VWA8: variants seen among roughly 807,000 people sequenced by gnomAD.
VWA8 encodes the protein von Willebrand factor A domain containing 8, also known as von Willebrand factor A domain-containing protein 8.
A neutral mutation model predicts 241.5 loss-of-function variants in VWA8; 221 were observed. That is an observed-to-expected ratio of 0.91 (90% CI 0.82 to 1.02). VWA8 has a LOEUF of 1.02. Ranked by LOEUF, VWA8 falls within the 50% of genes least tolerant of loss-of-function variation. The pLI is 0.00. For synonymous variants in VWA8, 852 were observed against 827.1 expected (o/e 1.03, Z -0.52); for missense variants, 2,322 against 2,328.7 (o/e 1.00, Z 0.06).
At chr13:41,847,601 T>C (rs1270301928) in intron 12 of VWA8, among the ~76,000 whole-genome samples, 2 of 152,162 alleles carry the variant, frequency 1.3e-5, no homozygotes, top group African/African-American at 4.8e-5. Context: ...CTGCTGGTTA[T>C]AATTGAAAAA....
At chr13:41,945,127 T>A (rs969533430) in intron 2 of VWA8, among the ~76,000 whole-genome samples, 1 of 152,302 alleles carries the variant, frequency 6.6e-6, no homozygotes, top group East Asian at 1.9e-4. Context: ...ACTGAAGTCA[T>A]GTCCAACTTG....
intron 14 of VWA8, among the ~76,000 whole-genome samples, chr13:41,828,351 T>C (rs750908080): frequency 2.0e-5 from 3 of 152,220 alleles, no homozygotes; most frequent in Non-Finnish European, 4.4e-5. Flanking sequence ...ACAGCTTCAA[T>C]TAAACAGAGA....
At chr13:41,784,697 C>T (rs796640568) in intron 18 of VWA8, among the ~76,000 whole-genome samples, 61 of 56,984 alleles carry the variant, frequency 1.1e-3, no homozygotes, top group African/African-American at 1.6e-3. Context: ...TATACATATA[C>T]ATATATATAT....
chr13:41,737,818 T>C (rs187879567), intron 21 of VWA8, among the ~76,000 whole-genome samples: 260 of 152,132 alleles, frequency 1.7e-3, no homozygotes, highest in African/African-American at 5.9e-3. Flanking sequence ...ACATTTTTTT[T>C]CCCCACACAA....
chr13:41,743,309 G>A (rs976507375), intron 21 of VWA8, among the ~76,000 whole-genome samples: 1 of 152,196 alleles, frequency 6.6e-6, no homozygotes, highest in Non-Finnish European at 1.5e-5. Context: ...AAGAAAAGAT[G>A]AGCAATGGAC....
At chr13:41,705,384 G>A (rs2045276663) in intron 26 of VWA8, among the ~76,000 whole-genome samples, 1 of 152,174 alleles carries the variant, frequency 6.6e-6, no homozygotes, top group African/African-American at 2.4e-5. Context: ...ACATTTCTGT[G>A]TTAATAGGCC....
At chr13:41,825,857 C>A (rs551606372) in intron 14 of VWA8, among the ~76,000 whole-genome samples, 1 of 152,204 alleles carries the variant, frequency 6.6e-6, no homozygotes, top group South Asian at 2.1e-4. Flanking sequence ...TTAGCTATGA[C>A]CAGCATATAG....
At chr13:41,704,982 G>C (rs1297157436) in intron 26 of VWA8, among the ~76,000 whole-genome samples, 4 of 152,148 alleles carry the variant, frequency 2.6e-5, no homozygotes, top group African/African-American at 7.2e-5. Context: ...AAAGTAGTCT[G>C]ACATAATATT....
At chr13:41,797,049 G>A (rs1208902452) in intron 17 of VWA8, among the ~76,000 whole-genome samples, 2 of 150,666 alleles carry the variant, frequency 1.3e-5, no homozygotes, top group African/African-American at 2.4e-5. Context: ...TTTCTTTTTT[G>A]AGACAGAGTC....
intron 21 of VWA8, among the ~76,000 whole-genome samples, chr13:41,734,325 G>A (rs74545214): frequency 0.013 from 2,040 of 152,186 alleles, 12 homozygotes; most frequent in South Asian, 0.018. Flanking sequence ...GTGACAGAGC[G>A]AGACTCCGTC....
At chr13:41,839,072 ACT>A (rs758332992) in intron 12 of VWA8, among the ~76,000 whole-genome samples, 4 of 152,130 alleles carry the variant, frequency 2.6e-5, no homozygotes, top group Non-Finnish European at 5.9e-5. Flanking sequence ...GAATTGCCAC[ACT>A]GTCTTCCACA....
At chr13:41,670,894 A>T in intron 37 of VWA8, 52 bp downstream of exon 37, 1 of 1,595,976 alleles carries the variant, frequency 6.3e-7, no homozygotes, top group Non-Finnish European at 8.6e-7. Context: ...TCTGGAACTA[A>T]ATTTATACTT....
chr13:41,937,542 G>A (rs1189409045), intron 2 of VWA8, among the ~76,000 whole-genome samples: 1 of 152,204 alleles, frequency 6.6e-6, no homozygotes, highest in Non-Finnish European at 1.5e-5. Context: ...ATGCCAGCAA[G>A]GTGGGGCAGC....
At chr13:41,830,242 CAA>C (rs1305339760) in intron 14 of VWA8, among the ~76,000 whole-genome samples, 6 of 52,522 alleles carry the variant, frequency 1.1e-4, no homozygotes, top group Admixed American at 2.1e-4. Flanking sequence ...GACTCTGTCT[CAA>C]AAAAAAAAAA....
chr13:41,664,916 G>A (rs1405523054), intron 37 of VWA8, among the ~76,000 whole-genome samples: 1 of 152,094 alleles, frequency 6.6e-6, no homozygotes, highest in Non-Finnish European at 1.5e-5. Flanking sequence ...GTTCTAATTT[G>A]TCTTTTAAAT....
chr13:41,615,622 A>G (rs2044616127), intron 37 of VWA8, among the ~76,000 whole-genome samples: 1 of 152,182 alleles, frequency 6.6e-6, no homozygotes, highest in African/African-American at 2.4e-5. Flanking sequence ...TATACTAAAA[A>G]CTGCTTATTT....
Position 41,611,716 on chromosome 13 carries a change from T to G in VWA8, c.4737A>C (p.Ala1579=), listed in dbSNP as rs1241664383. ...WAGGTGGRDT[A]GLGGKGGPYR... The stretch of plus-strand genomic sequence containing the variant: ...AAGGGCCTCCTTTGCCACCCAGGCC[T>G]GCCGTGTCTCTTCCCCCTGGAAGGA... The change falls in exon 39 of 45, where the codon GCA becomes GCC. Residue 1579 remains alanine, a synonymous_variant. Coordinates refer to ENST00000379310, the MANE Select transcript of VWA8 (RefSeq NM_015058.2). 1.2e-6 allele frequency: 2 copies of G among 1,614,004 alleles called. No individual in the cohort carries two copies. Among genetic ancestry groups the G allele is most frequent in the South Asian group, 2.2e-5 (2 of 91,056 alleles).
chr13:41,625,130 T>C (rs999477906), intron 37 of VWA8, among the ~76,000 whole-genome samples: 35 of 152,262 alleles, frequency 2.3e-4, no homozygotes, highest in Admixed American at 9.8e-4. Context: ...GAAAGATCTC[T>C]ACAATGAGAA....
chr13:41,949,925 A>G lies in VWA8; in HGVS notation c.241+11T>C. The G allele has an allele frequency of 6.7e-7, 1 of 1,501,952 alleles. No homozygotes were observed. Among genetic ancestry groups the G allele is most frequent in the Middle Eastern group, 2.3e-4 (1 of 4,328 alleles). 93.0% of individuals were successfully genotyped at this position (1,501,952 alleles called of 1,614,324 possible). ...AAGTTATTCATTCATATATTAATAA[A>G]TATTTCTTACTGTAGTTCTGTGGCA... On this transcript the variant is annotated intron_variant, in intron 2 of 44. Coordinates refer to ENST00000379310, the MANE Select transcript of VWA8 (RefSeq NM_015058.2).
Sources: allele counts gnomAD v4.1 joint callset (sites outside exome capture counted in the v4.1 genomes callset), GRCh38; gene constraint gnomAD v4.1.1; transcripts MANE v1.5; gene names NCBI Gene and HGNC (gene_info 2026-07-23, HGNC 2026-07-21).